ZNF451: variants seen among roughly 807,000 people sequenced by gnomAD.
ZNF451 encodes zinc finger protein 451.
Under a neutral mutation model 107.1 loss-of-function variants are expected in ZNF451, and 80 were observed. The observed-to-expected ratio is 0.75, with a 90% confidence interval of 0.62 to 0.90. The LOEUF is 0.90. Ranked by LOEUF, ZNF451 falls within the 40% of genes least tolerant of loss-of-function variation. The pLI, the probability that ZNF451 is intolerant of heterozygous loss-of-function variation, is 0.00. For synonymous variants in ZNF451, 362 were observed against 406.5 expected (o/e 0.89, Z 1.32); for missense variants, 1,107 against 1,236.2 (o/e 0.90, Z 1.57).
intron 7 of ZNF451, 122 bp downstream of exon 7, chr6:57,134,992 T>A: frequency 1.3e-6 from 1 of 770,178 alleles, no homozygotes. Context: ...ATCAAAACTG[T>A]AATTGTCAAT....
At chr6:57,127,340 A>C (rs979522693) in intron 4 of ZNF451, among the ~76,000 whole-genome samples, 4 of 152,212 alleles carry the variant, frequency 2.6e-5, no homozygotes, top group Non-Finnish European at 5.9e-5. Context: ...ATTTGATTAC[A>C]GAGAATTTTA....
rs184714318 is a variant in ZNF451, at chr6:57,100,620, G to A, written c.186+1479G>A. ...TAACCCAGAGAATGCCTGAATCTAA[G>A]GTGCCATCCTCTGAGAATCATCGCC... On this transcript the variant is annotated intron_variant, in intron 3 of 14. Transcript: ENST00000370706. The A allele has an allele frequency of 4.5e-3, 6,819 of 1,515,810 alleles. 21 individuals are homozygous for A. The highest frequency in any genetic ancestry group is 5.5e-3 in the Non-Finnish European group (6,253 of 1,130,324). The allele number at this position is 1,515,810 out of a possible 1,614,324, so 93.9% of individuals were successfully genotyped here. A position where few individuals can be genotyped will look rare whatever the true frequency, so the allele number is the denominator to read the frequency against.
chr6:57,101,127 T>G, intron 3 of ZNF451: 1 of 1,550,778 alleles, frequency 6.4e-7, no homozygotes, highest in Non-Finnish European at 8.7e-7. Flanking sequence ...AAGAAGAAAC[T>G]GATTACAAAT....
Position 57,091,895 on chromosome 6 carries a change from TTTTAA to T in ZNF451, c.105+1003_105+1007del, listed in dbSNP as rs377515803. On this transcript the variant is annotated intron_variant, in intron 2 of 14. Coordinates refer to ENST00000370706, the MANE Select transcript of ZNF451 (RefSeq NM_001031623.3). ...TTTGGTAATTCATTTTTGTATGGTA[TTTTAA>T]TAGATTTGTTTAGGAGTCCTTCACA... is the stretch of plus-strand genomic sequence containing the variant. 9.4e-4 allele frequency among the ~76,000 whole-genome samples: 143 copies of T among 152,336 alleles called. 1 individual carries two copies. The highest frequency in any genetic ancestry group is 3.3e-3 in the African/African-American group (139 of 41,570).
intron 4 of ZNF451, among the ~76,000 whole-genome samples, chr6:57,125,248 C>G (rs979723442): frequency 6.6e-6 from 1 of 152,128 alleles, no homozygotes; most frequent in Admixed American, 6.6e-5. Context: ...ATTGCTTTCT[C>G]AAATTTTAGC....
intron 9 of ZNF451, among the ~76,000 whole-genome samples, chr6:57,146,338 T>C (rs149349441): frequency 8.9e-4 from 136 of 152,292 alleles, no homozygotes; most frequent in South Asian, 2.7e-3. Flanking sequence ...TAGTCATAAA[T>C]TTTTTGCCTA....
chr6:57,166,922 C>G (rs372621435), intron 14 of ZNF451, among the ~76,000 whole-genome samples: 30 of 152,138 alleles, frequency 2.0e-4, no homozygotes, highest in Non-Finnish European at 3.8e-4. Context: ...AAAGTTGATA[C>G]GCAGCACATG....
intron 13 of ZNF451, among the ~76,000 whole-genome samples, chr6:57,157,210 A>T (rs1270322035): frequency 6.6e-6 from 1 of 152,212 alleles, no homozygotes; most frequent in Non-Finnish European, 1.5e-5. Context: ...CATCAGCAGG[A>T]CTAAAAAGTG....
At chr6:57,137,579 A>G (rs956333446) in intron 7 of ZNF451, among the ~76,000 whole-genome samples, 8 of 152,056 alleles carry the variant, frequency 5.3e-5, no homozygotes, top group African/African-American at 1.9e-4. Flanking sequence ...AAACCCATCC[A>G]ATGGCTATTA....
chr6:57,124,542 T>G, intron 3 of ZNF451, 192 bp from the exon 4 acceptor site: 1 of 704,550 alleles, frequency 1.4e-6, no homozygotes. Flanking sequence ...TTTGTCTAAC[T>G]TCTTGAAAAC....
At position 57,104,497 on chromosome 6, in the gene ZNF451, T is replaced by A. The variant is rs1414582635; in HGVS notation, c.186+5356T>A. ...TTTTGAAATACTCTTATTTCAAACC[T>A]TAAACTAAACCGAAATAAGTTATGC... is the stretch of plus-strand genomic sequence containing the variant. On this transcript the variant is annotated intron_variant, in intron 3 of 14. Transcript: ENST00000370706. The A allele has an allele frequency of 8.1e-6, 8 of 985,288 alleles. No individual in the cohort carries two copies. In the African/African-American group the frequency reaches 1.2e-4, roughly 15 times the overall value. The allele number at this position is 985,288 out of a possible 1,614,324, so 61.0% of individuals were successfully genotyped here.
At chr6:57,111,888 CTA>C (rs1331489150) in intron 3 of ZNF451, among the ~76,000 whole-genome samples, 1 of 152,060 alleles carries the variant, frequency 6.6e-6, no homozygotes, top group Non-Finnish European at 1.5e-5. Context: ...TGGAGTATAT[CTA>C]TATGTGTGTT....
At position 57,147,955 on chromosome 6, in the gene ZNF451, C is replaced by T. The variant is rs1230590824; in HGVS notation, c.1870C>T (p.His624Tyr). ...TGATTCCCAGGAATATGTAAAACAG[C>T]ACTGCATGTCTTTGGCAAGCCACAA... ...MFDSQEYVKQ[H>Y]CMSLASHKFH... Residue 624 changes from histidine (H) to tyrosine (Y), a missense_variant, in exon 10 of 15, where the codon CAC becomes TAC. His to Tyr is a moderately conservative substitution (Grantham distance 83, BLOSUM62 2). This residue lies in a region of ZNF451 where 608 missense variants were observed against 649.2 expected (regional missense o/e 0.94). Coordinates refer to ENST00000370706, the MANE Select transcript of ZNF451 (RefSeq NM_001031623.3). The T allele has an allele frequency of 1.9e-6, 3 of 1,613,968 alleles. No homozygotes were observed. Among genetic ancestry groups the T allele is most frequent in the African/African-American group, 2.7e-5 (2 of 74,928 alleles).
intron 4 of ZNF451, 40 bp from the exon 5 acceptor site, chr6:57,128,687 CAG>C (rs753141870): frequency 2.8e-5 from 38 of 1,365,376 alleles, no homozygotes; most frequent in Admixed American, 9.2e-5. Flanking sequence ...TCAAGGAAAA[CAG>C]GGTAGTAATC....
chr6:57,105,004 TTTA>T (rs1562592229), intron 3 of ZNF451: 25 of 982,630 alleles, frequency 2.5e-5, no homozygotes, highest in East Asian at 1.1e-4. Flanking sequence ...GTGTTAATTT[TTTA>T]TTATTTTAAA....
chr6:57,124,174 C>G (rs1011212119), intron 3 of ZNF451, among the ~76,000 whole-genome samples: 4 of 152,112 alleles, frequency 2.6e-5, no homozygotes, highest in African/African-American at 9.7e-5. Flanking sequence ...AAGTTCCCTT[C>G]TATTCTTACT....
intron 8 of ZNF451, 74 bp from the exon 9 acceptor site, chr6:57,141,874 G>T: frequency 7.5e-7 from 1 of 1,327,926 alleles, no homozygotes. Flanking sequence ...ATGTTGAGAA[G>T]GGCTGAGGGG....
At chr6:57,156,702 A>G (rs568341632) in intron 13 of ZNF451, among the ~76,000 whole-genome samples, 3 of 152,304 alleles carry the variant, frequency 2.0e-5, no homozygotes, top group Admixed American at 2.0e-4. Flanking sequence ...CCAATCAACA[A>G]ACAAAATTGT....
At chr6:57,121,528 G>A (rs1034399673) in intron 3 of ZNF451, among the ~76,000 whole-genome samples, 3 of 152,074 alleles carry the variant, frequency 2.0e-5, no homozygotes, top group African/African-American at 7.2e-5. Flanking sequence ...TCCACTTCTT[G>A]AGAGGTTCTT....
Sources: gnomAD v4.1 joint callset for allele counts (sites outside exome capture counted in the v4.1 genomes callset) on GRCh38, gnomAD v4.1.1 for gene constraint, gnomAD v4.1.1 regional missense constraint, MANE v1.5 for transcripts, NCBI Gene and HGNC (gene_info 2026-07-23, HGNC 2026-07-21) for gene names.